RAD50: variants seen among roughly 807,000 people sequenced by gnomAD.
The protein encoded by RAD50 is RAD50 double strand break repair protein, also known as DNA repair protein RAD50.
Under a neutral mutation model 168.8 loss-of-function variants are expected in RAD50, and 132 were observed. The ratio of observed to expected loss-of-function variants is 0.78; its 90% CI spans 0.68 to 0.90. The LOEUF (loss-of-function observed/expected upper bound fraction) is 0.90. RAD50 is among the 40% of genes least tolerant of loss of function. RAD50 has a pLI of 0.00. For synonymous variants in RAD50, 525 were observed against 497.4 expected, an observed-to-expected ratio of 1.06 and a Z score of -0.74; for missense variants, 1,347 against 1,534.4, an observed-to-expected ratio of 0.88 and a Z score of 2.04.
At chr5:132,615,967 G>A in intron 19 of RAD50, 36 bp from the exon 20 acceptor site, 1 of 1,543,130 alleles carries the variant, frequency 6.5e-7, no homozygotes, top group Non-Finnish European at 8.9e-7. Context: ...TAGTAACTTG[G>A]TTATTTTTGT....
At chr5:132,592,147 A>G in intron 11 of RAD50, 113 bp downstream of exon 11, 2 of 1,165,446 alleles carry the variant, frequency 1.7e-6, no homozygotes, top group East Asian at 2.4e-5. Context: ...GATAAACTTT[A>G]GTTCTTACAT....
intron 2 of RAD50, among the ~76,000 whole-genome samples, chr5:132,572,569 A>G (rs1750325240): frequency 6.6e-6 from 1 of 152,034 alleles, no homozygotes; most frequent in Non-Finnish European, 1.5e-5. Flanking sequence ...GACAGAAGAC[A>G]TCAGAAAAAA....
chr5:132,628,926 G>A (rs1751415568), intron 21 of RAD50, among the ~76,000 whole-genome samples: 1 of 152,100 alleles, frequency 6.6e-6, no homozygotes, highest in Non-Finnish European at 1.5e-5. Flanking sequence ...CGGGGAGCAA[G>A]AAAAATGGGG....
chr5:132,574,946 T>C (rs2522415), intron 2 of RAD50, among the ~76,000 whole-genome samples: 151,664 of 152,342 alleles, frequency 1, 75,497 homozygotes, highest in Middle Eastern at 1. Flanking sequence ...TTTTGGTCAA[T>C]GCCATTCAAC....
At chr5:132,623,033 A>G (rs1751310323) in intron 21 of RAD50, among the ~76,000 whole-genome samples, 1 of 151,588 alleles carries the variant, frequency 6.6e-6, no homozygotes, top group Non-Finnish European at 1.5e-5. Flanking sequence ...TTAATTTTCC[A>G]CTCTTTCATT....
At chr5:132,605,476 A>T (rs1025660540) in intron 16 of RAD50, among the ~76,000 whole-genome samples, 1 of 150,970 alleles carries the variant, frequency 6.6e-6, no homozygotes, top group Non-Finnish European at 1.5e-5. Context: ...TCTCAAGTAG[A>T]TGGGACTACA....
intron 2 of RAD50, among the ~76,000 whole-genome samples, chr5:132,571,405 G>A (rs898173578): frequency 6.6e-6 from 1 of 152,216 alleles, no homozygotes; most frequent in African/African-American, 2.4e-5. Flanking sequence ...AAGAAAGTTT[G>A]ATGAAGTATG....
intron 13 of RAD50, among the ~76,000 whole-genome samples, chr5:132,597,007 T>C (rs563447554): frequency 6.6e-6 from 1 of 152,286 alleles, no homozygotes; most frequent in South Asian, 2.1e-4. Context: ...GAGTCCTGTA[T>C]GTTGGGGAGA....
chr5:132,640,684 CTCA>C lies in RAD50; in HGVS notation c.3636_3638del (p.Ile1213del), dbSNP rs1323365592. On this transcript the variant is annotated inframe_deletion, in exon 24 of 25. Transcript: ENST00000378823. Reference sequence around the variant, plus strand: ...GGCTTTTTTCCAGGTATTAGCCTCACTCATCATTCGCCTGGCCCTGGCTGAAAC... The same window carrying C: ...GGCTTTTTTCCAGGTATTAGCCTCACTCATTCGCCTGGCCCTGGCTGAAAC... The C allele has an allele frequency of 1.2e-6, 2 of 1,614,116 alleles. No homozygotes were observed. Among genetic ancestry groups the C allele is most frequent in the Non-Finnish European group, 1.7e-6 (2 of 1,180,044 alleles).
At chr5:132,625,321 C>T (rs958645773) in intron 21 of RAD50, among the ~76,000 whole-genome samples, 2 of 151,898 alleles carry the variant, frequency 1.3e-5, no homozygotes, top group African/African-American at 2.4e-5. Flanking sequence ...CTCCTGACCT[C>T]GTGATCCGCC....
chr5:132,579,181 G>A lies in RAD50; in HGVS notation c.366-136G>A, dbSNP rs1580986928. On this transcript the variant is annotated intron_variant, in intron 3 of 24. Transcript: ENST00000378823. The stretch of plus-strand genomic sequence containing the variant: ...TAAGAGTTACACTTTTTAGCATGAT[G>A]AAGCCATTTCTAACGGGATAGGTGA... 6 of 835,072 alleles carry A rather than the reference G, an allele frequency of 7.2e-6. No individual in the cohort carries two copies. The East Asian group carries it at 1.6e-4, about 22-fold the overall frequency. The allele number at this position is 835,072 out of a possible 1,614,324, so 51.7% of individuals were successfully genotyped here.
At chr5:132,614,598 T>A (rs545669107) in intron 19 of RAD50, among the ~76,000 whole-genome samples, 1 of 152,266 alleles carries the variant, frequency 6.6e-6, no homozygotes, top group Admixed American at 6.5e-5. Flanking sequence ...TCCTCTGATA[T>A]ACTTTAATCT....
chr5:132,639,874 A>C (rs1024367107), intron 23 of RAD50, among the ~76,000 whole-genome samples: 1 of 152,202 alleles, frequency 6.6e-6, no homozygotes, highest in African/African-American at 2.4e-5. Flanking sequence ...GCATTAAAGA[A>C]AAGACATAAA....
At chr5:132,573,057 A>G (rs544697170) in intron 2 of RAD50, among the ~76,000 whole-genome samples, 3 of 152,354 alleles carry the variant, frequency 2.0e-5, no homozygotes, top group African/African-American at 7.2e-5. Flanking sequence ...TTTGTGGACC[A>G]TGTGGTAATA....
chr5:132,591,127 A>T, intron 9 of RAD50, 97 bp from the exon 10 acceptor site: 1 of 1,247,882 alleles, frequency 8.0e-7, no homozygotes, highest in Non-Finnish European at 1.2e-6. Context: ...TATTTGGAAC[A>T]TTCTGAGGAG....
intron 21 of RAD50, among the ~76,000 whole-genome samples, chr5:132,619,819 T>TCTCTCTCTCTCTCTCTACTC (rs1751246602): frequency 9.4e-5 from 11 of 116,412 alleles, no homozygotes; most frequent in African/African-American, 5.1e-4. Context: ...TCTACTCCTC[T>TCTCTCTCTCTCTCTCTACTC]CTCTCTCTCT....
chr5:132,642,758 C>T lies in RAD50; in HGVS notation c.*394C>T. 2 of 362,918 alleles carry T rather than the reference C, an allele frequency of 5.5e-6. No homozygotes were observed. Among genetic ancestry groups the T allele is most frequent in the South Asian group, 6.1e-5 (2 of 32,892 alleles). 22.5% of individuals were successfully genotyped at this position (362,918 alleles called of 1,614,324 possible). On this transcript the variant is annotated 3_prime_UTR_variant, in exon 25 of 25. Transcript: ENST00000378823. The stretch of plus-strand genomic sequence containing the variant: ...TTTTTAAATCATAGTTAAATGTTAC[C>T]TCTGAATTTACTTCCTTGCATGTGG...
intron 2 of RAD50, among the ~76,000 whole-genome samples, chr5:132,568,252 A>G (rs1296062675): frequency 6.6e-6 from 1 of 151,408 alleles, no homozygotes; most frequent in Non-Finnish European, 1.5e-5. Flanking sequence ...TTATTTTTTT[A>G]TTTTTTATTT....
chr5:132,605,785 G>T (rs1750975426), intron 16 of RAD50, among the ~76,000 whole-genome samples: 1 of 152,120 alleles, frequency 6.6e-6, no homozygotes, highest in African/African-American at 2.4e-5. Context: ...CAGTCTCTCA[G>T]ACCACAGTGC....
Sources: allele counts gnomAD v4.1 joint callset (sites outside exome capture counted in the v4.1 genomes callset), GRCh38; gene constraint gnomAD v4.1.1; transcripts MANE v1.5; gene names NCBI Gene and HGNC (gene_info 2026-07-23, HGNC 2026-07-21).